The following PPP4R3B variants were observed in gnomAD, a reference collection of about 807,000 sequenced individuals.
PPP4R3B encodes the protein serine/threonine-protein phosphatase 4 regulatory subunit 3B.
In PPP4R3B, 52 loss-of-function variants were observed where a neutral mutation model predicts 95.4. The ratio of observed to expected loss-of-function variants is 0.54; its 90% CI spans 0.44 to 0.69. PPP4R3B has a LOEUF of 0.69. PPP4R3B is among the 30% of genes least tolerant of loss of function. The probability of loss-of-function intolerance (pLI) is 0.00; values close to 1 mark genes in which losing one functional copy is unlikely to be tolerated. For synonymous variants in PPP4R3B, 407 were observed against 343.9 expected (o/e 1.18, Z -2.03); for missense variants, 1,003 against 1,005.9 (o/e 1.00, Z 0.04).
At chr2:55,588,352 A>G (rs1258752694) in intron 5 of PPP4R3B, among the ~76,000 whole-genome samples, 1 of 151,984 alleles carries the variant, frequency 6.6e-6, no homozygotes, top group Non-Finnish European at 1.5e-5. Context: ...TGTCTCTACT[A>G]AAAATACAAA....
Position 55,605,723 on chromosome 2 carries a change from T to C in PPP4R3B, c.199-1647A>G, listed in dbSNP as rs1175633615. Among the ~76,000 whole-genome samples, 5 of 151,974 alleles carry C rather than the reference T, an allele frequency of 3.3e-5. No individual in the cohort carries two copies. The East Asian group carries it at 7.7e-4, about 24-fold the overall frequency. ...GAGATGAAGACCATCCTGGCCAACATGGTGAAACCCCGTCTCTACTAAAAA... is the reference window on the plus strand; with the variant it reads ...GAGATGAAGACCATCCTGGCCAACACGGTGAAACCCCGTCTCTACTAAAAA... On this transcript the variant is annotated intron_variant, in intron 2 of 16. Coordinates refer to ENST00000616407, the MANE Select transcript of PPP4R3B (RefSeq NM_001122964.3).
At chr2:55,605,999 A>T (rs1693337267) in intron 2 of PPP4R3B, among the ~76,000 whole-genome samples, 1 of 151,966 alleles carries the variant, frequency 6.6e-6, no homozygotes, top group Non-Finnish European at 1.5e-5. Flanking sequence ...ACCCTTCTAC[A>T]AACAAAAATT....
At chr2:55,592,318 G>A (rs1691143411) in intron 4 of PPP4R3B, among the ~76,000 whole-genome samples, 1 of 152,132 alleles carries the variant, frequency 6.6e-6, no homozygotes, top group African/African-American at 2.4e-5. Context: ...AATAATTAAT[G>A]AGGTTTTTGT....
In PPP4R3B at chr2:55,549,721, A is replaced by T. The variant is rs1685036729; in HGVS notation, c.*190T>A. ...CTAAAAGGCAAACCCCTTAATTACT[A>T]GCAAGCAATCAAGTTCCTGGGAAGC... is the stretch of plus-strand genomic sequence containing the variant. On this transcript the variant is annotated 3_prime_UTR_variant, in exon 17 of 17. Transcript: ENST00000616407. The T allele has an allele frequency of 1.8e-6, 1 of 549,392 alleles. No individual in the cohort carries two copies. Among genetic ancestry groups the T allele is most frequent in the Non-Finnish European group, 3.2e-6 (1 of 315,410 alleles). The allele number at this position is 549,392 out of a possible 1,614,324, so 34.0% of individuals were successfully genotyped here. A position where few individuals can be genotyped will look rare whatever the true frequency, so the allele number is the denominator to read the frequency against.
At chr2:55,563,557 A>G (rs1163415181) in intron 15 of PPP4R3B, among the ~76,000 whole-genome samples, 2 of 152,034 alleles carry the variant, frequency 1.3e-5, no homozygotes, top group Non-Finnish European at 2.9e-5. Context: ...GTTTTTTTGT[A>G]GAGACAGGGT....
intron 12 of PPP4R3B, among the ~76,000 whole-genome samples, chr2:55,569,961 G>C (rs959617716): frequency 1.7e-4 from 26 of 152,102 alleles, no homozygotes; most frequent in African/African-American, 6.3e-4. Context: ...CTCTGATGAA[G>C]ACTATTTCCA....
At chr2:55,568,867 G>A (rs1687628107) in intron 12 of PPP4R3B, among the ~76,000 whole-genome samples, 2 of 152,182 alleles carry the variant, frequency 1.3e-5, no homozygotes, top group South Asian at 4.1e-4. Flanking sequence ...GGGAGCTTTA[G>A]AGGCAAAAGC....
intron 16 of PPP4R3B, 84 bp downstream of exon 16, chr2:55,558,691 G>T: frequency 1.9e-6 from 2 of 1,034,708 alleles, no homozygotes; most frequent in South Asian, 3.8e-5. Flanking sequence ...AAATTGTTTT[G>T]ATTATCCAAA....
At chr2:55,560,044 C>T (rs1237243195) in intron 15 of PPP4R3B, among the ~76,000 whole-genome samples, 1 of 152,068 alleles carries the variant, frequency 6.6e-6, no homozygotes, top group Admixed American at 6.5e-5. Context: ...ATTGCTTGAA[C>T]CCTGGAGGCA....
chr2:55,604,532 TA>T lies in PPP4R3B; in HGVS notation c.199-457del, dbSNP rs201954284. On this transcript the variant is annotated intron_variant, in intron 2 of 16. Coordinates refer to ENST00000616407, the MANE Select transcript of PPP4R3B (RefSeq NM_001122964.3). ...TAACTCTATTTTTGCCTTTTTTTTT[TA>T]TATATCTGGAAAAGACTTCAGGATC... is the stretch of plus-strand genomic sequence containing the variant. 2.4e-3 allele frequency among the ~76,000 whole-genome samples: 367 copies of T among 150,842 alleles called. 1 individual carries two copies. The highest frequency in any genetic ancestry group is 4.9e-3 in the African/African-American group (201 of 41,346).
intron 2 of PPP4R3B, among the ~76,000 whole-genome samples, chr2:55,611,734 A>T (rs539245581): frequency 3.3e-4 from 49 of 148,846 alleles, no homozygotes; most frequent in African/African-American, 1.2e-3. Flanking sequence ...AATTTACTCA[A>T]TTTTTTTTTT....
At chr2:55,580,747 T>A (rs929440355) in intron 8 of PPP4R3B, among the ~76,000 whole-genome samples, 9 of 152,322 alleles carry the variant, frequency 5.9e-5, no homozygotes, top group African/African-American at 2.2e-4. Context: ...AAACGATGTA[T>A]ATATTCTCTA....
In PPP4R3B at chr2:55,547,319, A is replaced by G. The variant is rs1229089644; in HGVS notation, c.*2592T>C. 6.6e-6 allele frequency: 1 copy of G among 152,232 alleles called. No individual in the cohort carries two copies. The highest frequency in any genetic ancestry group is 1.5e-5 in the Non-Finnish European group (1 of 68,044). 9.4% of individuals were successfully genotyped at this position (152,232 alleles called of 1,614,324 possible). On this transcript the variant is annotated 3_prime_UTR_variant, in exon 17 of 17. Transcript: ENST00000616407. ...TGTTTCATGTAACTTTTTATTAAAA[A>G]TAGTTTTTATATTGGACACATGTTT... is the stretch of plus-strand genomic sequence containing the variant.
intron 12 of PPP4R3B, among the ~76,000 whole-genome samples, chr2:55,568,829 G>C (rs1427473355): frequency 6.6e-6 from 1 of 152,216 alleles, no homozygotes; most frequent in Non-Finnish European, 1.5e-5. Flanking sequence ...CCCACCATGA[G>C]CTAAGATTGC....
intron 16 of PPP4R3B, among the ~76,000 whole-genome samples, chr2:55,555,579 T>G (rs1268216917): frequency 6.6e-6 from 1 of 152,164 alleles, no homozygotes; most frequent in Non-Finnish European, 1.5e-5. Context: ...CCAGGCATGG[T>G]GTCGCACACC....
At chr2:55,557,284 T>A (rs1333323263) in intron 16 of PPP4R3B, among the ~76,000 whole-genome samples, 2 of 152,136 alleles carry the variant, frequency 1.3e-5, no homozygotes, top group African/African-American at 4.8e-5. Context: ...CCTCCACCTC[T>A]CAGGCTCAAA....
chr2:55,612,833 C>T (rs953538786), intron 2 of PPP4R3B, among the ~76,000 whole-genome samples: 1 of 152,028 alleles, frequency 6.6e-6, no homozygotes, highest in East Asian at 1.9e-4. Flanking sequence ...GTAGTCCCAA[C>T]TACTTGGGAG....
At chr2:55,603,812 TAAAGTA>T (rs1415723190) in intron 3 of PPP4R3B, among the ~76,000 whole-genome samples, 160 bp downstream of exon 3, 1 of 152,144 alleles carries the variant, frequency 6.6e-6, no homozygotes, top group Non-Finnish European at 1.5e-5. Flanking sequence ...TTAAAAAACT[TAAAGTA>T]AAATAATTTG....
chr2:55,571,144 A>G (rs1687946182), intron 12 of PPP4R3B, among the ~76,000 whole-genome samples: 1 of 152,056 alleles, frequency 6.6e-6, no homozygotes, highest in South Asian at 2.1e-4. Flanking sequence ...CCCCATCTCT[A>G]CTAAAAATAC....
Sources: allele counts gnomAD v4.1 joint callset (sites outside exome capture counted in the v4.1 genomes callset), GRCh38; gene constraint gnomAD v4.1.1; transcripts MANE v1.5; gene names NCBI Gene and HGNC (gene_info 2026-07-23, HGNC 2026-07-21).